The following PRR35 variants were observed in gnomAD, a reference collection of about 807,000 sequenced individuals.
PRR35 encodes the protein proline-rich protein 35.
In PRR35, 14 loss-of-function variants were observed where a neutral mutation model predicts 18.6. The observed-to-expected ratio is 0.75, with a 90% CI of 0.50 to 1.18. PRR35 has a LOEUF of 1.18. Among genes scored for constraint, PRR35 ranks in the 50% most tolerant of loss-of-function variants. The probability of loss-of-function intolerance (pLI) is 0.00; values close to 1 mark genes in which losing one functional copy is unlikely to be tolerated. For synonymous variants in PRR35, 425 were observed against 378.2 expected (o/e 1.12, Z -1.43); for missense variants, 832 against 792.2 (o/e 1.05, Z -0.60).
At chr16:561,606 T>C (rs1227007590) in intron 1 of PRR35, 1 of 422,894 alleles carries the variant, frequency 2.4e-6, no homozygotes, top group East Asian at 1.6e-4. Flanking sequence ...GGTCAGCCTC[T>C]GCCTGCCCCT....
At chr16:562,547 A>G (rs80352795) in intron 1 of PRR35, among the ~76,000 whole-genome samples, 5 of 151,324 alleles carry the variant, frequency 3.3e-5, no homozygotes, top group East Asian at 1.9e-4. Flanking sequence ...ACACACACGC[A>G]CATGCACGCA....
At position 563,672 on chromosome 16, in the gene PRR35, T is replaced by C. The variant is rs1026722395; in HGVS notation, c.378T>C (p.Cys126=). The C allele has an allele frequency of 4.5e-6, 7 of 1,569,786 alleles. No homozygotes were observed. Among genetic ancestry groups the C allele is most frequent in the African/African-American group, 4.0e-5 (3 of 74,236 alleles). ...TCGCCGACATCCACTCCCTGCACTG[T>C]GGCGGAGGCCCCAAGTCCAGGGCCA... ...LVVADIHSLH[C]GGGPKSRAKG... Residue 126 remains cysteine (C), a synonymous_variant, in exon 2 of 3, where the codon TGT becomes TGC. Coordinates refer to ENST00000409413, the MANE Select transcript of PRR35 (RefSeq NM_145270.3).
At chr16:564,424 C>T (rs1022639631) in intron 2 of PRR35, 48 bp downstream of exon 2, 15 of 1,578,482 alleles carry the variant, frequency 9.5e-6, no homozygotes, top group East Asian at 2.3e-5. Context: ...AGGGGCTGGG[C>T]GGCTGGGCAT....
Position 565,249 on chromosome 16 carries a change from G to C in PRR35, c.1658G>C (p.Ser553Thr). ...TGGGGCACCTGTGTTGCGACGAGGA[G>C]TTCCCAGACCCCTGAGGCTGTCTGT... ...SGWGTCVATR[S>T]SQTPEAVCGL... The change falls in exon 3 of 3, where the codon AGT becomes ACT. Residue 553 changes from serine (S) to threonine (T), a missense_variant. Transcript: ENST00000409413. 1 of 1,597,702 alleles carries C rather than the reference G, an allele frequency of 6.3e-7. No homozygotes were observed. The highest frequency in any genetic ancestry group is 8.5e-7 in the Non-Finnish European group (1 of 1,172,676).
chr16:562,326 G>GC (rs2035446594), intron 1 of PRR35, among the ~76,000 whole-genome samples: 1 of 152,208 alleles, frequency 6.6e-6, no homozygotes, highest in African/African-American at 2.4e-5. Context: ...CCACAGCCTG[G>GC]CCTGGCCCCA....
chr16:560,297 G>A, upstream of PRR35: 5 of 955,546 alleles, frequency 5.2e-6, no homozygotes, highest in Non-Finnish European at 6.2e-6. Context: ...GGTTCGGGCC[G>A]GGGGCTGCTC....
At chr16:563,118 G>T in intron 1 of PRR35, 138 bp from the exon 2 acceptor site, 1 of 799,706 alleles carries the variant, frequency 1.3e-6, no homozygotes, top group Non-Finnish European at 1.8e-6. Flanking sequence ...GGGGCTCGGG[G>T]GGCACGTTGC....
Position 564,053 on chromosome 16 carries a change from G to T in PRR35, c.759G>T (p.Gln253His). The change falls in exon 2 of 3, where the codon CAG becomes CAT. Residue 253 changes from glutamine to histidine, a missense_variant. By Grantham distance (24) the Gln-to-His change is conservative. Coordinates refer to ENST00000409413, the MANE Select transcript of PRR35 (RefSeq NM_145270.3). Reference sequence around the variant, plus strand: ...CGGCCACGGCCTTCCCAGCCGTGCAGCCCCCTCAGCGCCCCACCCCGGCCC... The same window carrying T: ...CGGCCACGGCCTTCCCAGCCGTGCATCCCCCTCAGCGCCCCACCCCGGCCC... Reference protein sequence around the residue: ...LPPATAFPAVQPPQRPTPAPR... With the variant: ...LPPATAFPAVHPPQRPTPAPR... 6.4e-7 allele frequency: 1 copy of T among 1,552,254 alleles called. No individual in the cohort carries two copies. Among genetic ancestry groups the T allele is most frequent in the Non-Finnish European group, 8.7e-7 (1 of 1,153,776 alleles).
Position 564,754 on chromosome 16 carries a change from C to T in PRR35, c.1163C>T (p.Pro388Leu). The stretch of plus-strand genomic sequence containing the variant: ...CCTGAGACCCCCGGCCCTGAGGGCC[C>T]CCTCCCCCTGCAGCCACGGGGCCCA... ...GGPETPGPEG[P>L]LPLQPRGPVP... Residue 388 changes from proline to leucine, a missense_variant, in exon 3 of 3, where the codon CCC becomes CTC. By Grantham distance (98) the Pro-to-Leu change is moderately conservative (BLOSUM62 -3). Around this residue, in one of 3 missense-constraint regions of PRR35, gnomAD observed 768 missense variants for 704.1 expected, o/e 1.09. Coordinates refer to ENST00000409413, the MANE Select transcript of PRR35 (RefSeq NM_145270.3). 5 of 1,538,200 alleles carry T rather than the reference C, an allele frequency of 3.3e-6. No individual in the cohort carries two copies. Among genetic ancestry groups the T allele is most frequent in the Non-Finnish European group, 4.4e-6 (5 of 1,148,078 alleles).
At chr16:562,385 C>G (rs2035447522) in intron 1 of PRR35, among the ~76,000 whole-genome samples, 1 of 152,244 alleles carries the variant, frequency 6.6e-6, no homozygotes, top group Non-Finnish European at 1.5e-5. Flanking sequence ...TGACGCCCTG[C>G]TAGAGCAGGC....
In PRR35 at chr16:564,623, C is replaced by T. The variant is rs575042468; in HGVS notation, c.1083-51C>T. On this transcript the variant is annotated intron_variant, in intron 2 of 2. Transcript: ENST00000409413. ...GCCGTGAGGGGAGAGGGGCAGGGGC[C>T]GGGGGCGCTGTGGGGGCAGTGCGGC... 7.2e-5 allele frequency: 105 copies of T among 1,466,444 alleles called. No homozygotes were observed. In the African/African-American group the frequency reaches 1.1e-3, roughly 15 times the overall value. The allele number at this position is 1,466,444 out of a possible 1,614,324, so 90.8% of individuals were successfully genotyped here.
chr16:565,303 T>C lies in PRR35; in HGVS notation c.1712T>C (p.Val571Ala). 1 of 1,501,604 alleles carries C rather than the reference T, an allele frequency of 6.7e-7. No individual in the cohort carries two copies. Among genetic ancestry groups the C allele is most frequent in the Non-Finnish European group, 8.9e-7 (1 of 1,124,912 alleles). The allele number at this position is 1,501,604 out of a possible 1,614,324, so 93.0% of individuals were successfully genotyped here. A position where few individuals can be genotyped will look rare whatever the true frequency, so the allele number is the denominator to read the frequency against. ...CGLQSPQGAE[V>A] ...CTGCAGAGCCCCCAGGGCGCCGAGG[T>C]CTGACCTGCAGCGCCTGAGGTCTGA... Residue 571 changes from valine (V) to alanine (A), a missense_variant, in exon 3 of 3, where the codon GTC becomes GCC. Physicochemically the swap from Val to Ala is moderately conservative, Grantham distance 64. This residue lies in a region of PRR35 where 768 missense variants were observed against 704.1 expected (regional missense o/e 1.09). Transcript: ENST00000409413.
intron 1 of PRR35, among the ~76,000 whole-genome samples, chr16:561,379 G>A (rs2035431196): frequency 6.6e-6 from 1 of 152,192 alleles, no homozygotes; most frequent in South Asian, 2.1e-4. Flanking sequence ...CCAGGGCTGG[G>A]TGATCGATGG....
Position 563,652 on chromosome 16 carries a change from G to C in PRR35, c.358G>C (p.Asp120His). 1.3e-6 allele frequency: 2 copies of C among 1,575,594 alleles called. No homozygotes were observed. Among genetic ancestry groups the C allele is most frequent in the Non-Finnish European group, 1.7e-6 (2 of 1,167,836 alleles). Reference protein sequence around the residue: ...AAPAPDLVVADIHSLHCGGGP... With the variant: ...AAPAPDLVVAHIHSLHCGGGP... The stretch of plus-strand genomic sequence containing the variant: ...CCCCGCGCCTGACCTCGTGGTCGCC[G>C]ACATCCACTCCCTGCACTGTGGCGG... The change falls in exon 2 of 3, where the codon GAC (aspartate) becomes CAC (histidine). Residue 120 changes from aspartate to histidine, a missense_variant. By Grantham distance (81) the Asp-to-His change is moderately conservative. Around this residue, in one of 3 missense-constraint regions of PRR35, gnomAD observed 768 missense variants for 704.1 expected, o/e 1.09. Coordinates refer to ENST00000409413, the MANE Select transcript of PRR35 (RefSeq NM_145270.3).
chr16:563,927 C>A lies in PRR35; in HGVS notation c.633C>A (p.Val211=), dbSNP rs1229780270. 6.3e-7 allele frequency: 1 copy of A among 1,593,030 alleles called. No homozygotes were observed. Among genetic ancestry groups the A allele is most frequent in the South Asian group, 1.1e-5 (1 of 87,820 alleles). The change falls in exon 2 of 3, where the codon GTC becomes GTA. Residue 211 remains valine, a synonymous_variant. Coordinates refer to ENST00000409413, the MANE Select transcript of PRR35 (RefSeq NM_145270.3). Reference sequence around the variant, plus strand: ...GCCTCCACCTGTCTCTGCTGGGCGTCAACTACCCGCTCAGCCCCGGCCTCT... The same window carrying A: ...GCCTCCACCTGTCTCTGCTGGGCGTAAACTACCCGCTCAGCCCCGGCCTCT... ...AHSLHLSLLG[V]NYPLSPGLFS...
At chr16:561,293 C>T (rs1051992001) in intron 1 of PRR35, among the ~76,000 whole-genome samples, 16 of 152,206 alleles carry the variant, frequency 1.1e-4, no homozygotes, top group Non-Finnish European at 2.1e-4. Context: ...TTGGACAAGC[C>T]CCTGACCCGG....
intron 1 of PRR35, among the ~76,000 whole-genome samples, chr16:562,586 CACACACACAG>C (rs1257091228): frequency 2.4e-5 from 2 of 83,970 alleles, no homozygotes; most frequent in East Asian, 1.2e-3. Flanking sequence ...CGCACACATG[CACACACACAG>C]ACACACACAG....
chr16:565,501 T>G lies in PRR35; in HGVS notation c.*194T>G. 7.5e-6 allele frequency: 4 copies of G among 536,726 alleles called. No individual in the cohort carries two copies. The highest frequency in any genetic ancestry group is 1.2e-5 in the Non-Finnish European group (4 of 333,268). 33.2% of individuals were successfully genotyped at this position (536,726 alleles called of 1,614,324 possible). ...GTCACAGTTATTTATTGATCACAAT[T>G]GTGGACATTAAAACAGAAACTGTTC... is the stretch of plus-strand genomic sequence containing the variant. On this transcript the variant is annotated 3_prime_UTR_variant, in exon 3 of 3. Coordinates refer to ENST00000409413, the MANE Select transcript of PRR35 (RefSeq NM_145270.3).
At position 564,925 on chromosome 16, in the gene PRR35, T is replaced by C; in HGVS notation, c.1334T>C (p.Leu445Pro). The C allele has an allele frequency of 6.2e-7, 1 of 1,601,858 alleles. No homozygotes were observed. ...PLREQLGKIR[L>P]ELLTIHQALE... is the part of the protein sequence containing the mutation. Reference sequence around the variant, plus strand: ...CGGGAGCAGCTGGGCAAGATCCGCCTGGAGCTGCTCACCATTCACCAGGCG... The same window carrying C: ...CGGGAGCAGCTGGGCAAGATCCGCCCGGAGCTGCTCACCATTCACCAGGCG... The change falls in exon 3 of 3, where the codon CTG (leucine) becomes CCG (proline). Residue 445 changes from leucine to proline, a missense_variant. Leu to Pro is a moderately conservative substitution (Grantham distance 98). Coordinates refer to ENST00000409413, the MANE Select transcript of PRR35 (RefSeq NM_145270.3).
Sources: gnomAD v4.1 joint callset for allele counts (sites outside exome capture counted in the v4.1 genomes callset) on GRCh38, gnomAD v4.1.1 for gene constraint, gnomAD v4.1.1 regional missense constraint, MANE v1.5 for transcripts, NCBI Gene and HGNC (gene_info 2026-07-23, HGNC 2026-07-21) for gene names.